The following UBE3C variants were observed in gnomAD, a reference collection of about 807,000 sequenced individuals.
The protein encoded by UBE3C is ubiquitin protein ligase E3C, also known as ubiquitin-protein ligase E3C.
In UBE3C, 42 loss-of-function variants were observed where a neutral mutation model predicts 129.4. The ratio of observed to expected loss-of-function variants is 0.32; its 90% CI spans 0.25 to 0.42. UBE3C has a LOEUF of 0.42. UBE3C is among the 10% of genes least tolerant of loss of function. The pLI, the probability that UBE3C is intolerant of heterozygous loss-of-function variation, is 1.00. For missense variants in UBE3C, 1,049 were observed against 1,319.1 expected, an observed-to-expected ratio of 0.80 and a Z score of 3.17; for synonymous variants, 510 against 492.4, an observed-to-expected ratio of 1.04 and a Z score of -0.47.
intron 9 of UBE3C, among the ~76,000 whole-genome samples, chr7:157,185,247 A>G (rs1430176106): frequency 6.6e-6 from 1 of 152,276 alleles, no homozygotes; most frequent in Admixed American, 6.5e-5. Context: ...AAAGCAGAAC[A>G]TGCGGACCCG....
chr7:157,162,258 G>A (rs1369752300), intron 1 of UBE3C, among the ~76,000 whole-genome samples: 1 of 151,820 alleles, frequency 6.6e-6, no homozygotes, highest in African/African-American at 2.4e-5. Context: ...GCAGTGGCGT[G>A]ATCTTGGCTC....
chr7:157,257,629 T>A (rs147528844), intron 22 of UBE3C, among the ~76,000 whole-genome samples: 1,725 of 149,812 alleles, frequency 0.012, 33 homozygotes, highest in African/African-American at 0.04. Context: ...CCCAGTTACT[T>A]GGGAGGCTGA....
At chr7:157,248,175 G>A (rs950243487) in intron 18 of UBE3C, among the ~76,000 whole-genome samples, 193 bp from the exon 19 acceptor site, 15 of 152,140 alleles carry the variant, frequency 9.9e-5, no homozygotes, top group African/African-American at 1.9e-4. Context: ...TGCTTAGTGC[G>A]TGCATTGAAT....
intron 13 of UBE3C, among the ~76,000 whole-genome samples, chr7:157,210,935 C>A (rs1168325766): frequency 6.6e-6 from 1 of 152,162 alleles, no homozygotes; most frequent in Non-Finnish European, 1.5e-5. Context: ...ACTTTCTAAG[C>A]CCTGTCTTGA....
At position 157,226,887 on chromosome 7, in the gene UBE3C, T is replaced by C. The variant is rs112745032; in HGVS notation, c.2233+1348T>C. Among the ~76,000 whole-genome samples, 288 of 152,302 alleles carry C rather than the reference T, an allele frequency of 1.9e-3. 3 individuals are homozygous for C. The highest frequency in any genetic ancestry group is 6.3e-3 in the African/African-American group (263 of 41,574). On this transcript the variant is annotated intron_variant, in intron 17 of 22. Coordinates refer to ENST00000348165, the MANE Select transcript of UBE3C (RefSeq NM_014671.3). ...CTAGCAGATTGTGTTTTCAGAGTAT[T>C]TGGTGTGAATGAGATGAGACTAGGT... is the stretch of plus-strand genomic sequence containing the variant.
rs186042589 is a variant in UBE3C, at chr7:157,217,694, G to A, written c.1914+723G>A. Among the ~76,000 whole-genome samples the A allele has an allele frequency of 7.5e-3, 1,147 of 152,110 alleles. 6 individuals are homozygous for A. The highest frequency in any genetic ancestry group is 0.012 in the Non-Finnish European group (809 of 67,988). On this transcript the variant is annotated intron_variant, in intron 14 of 22. Transcript: ENST00000348165. ...TCTATTGAAAATACAAAAATCAGCCGGGCGTGGTGGCAGACGCCTGTAATC... is the reference window on the plus strand; with the variant it reads ...TCTATTGAAAATACAAAAATCAGCCAGGCGTGGTGGCAGACGCCTGTAATC...
intron 17 of UBE3C, among the ~76,000 whole-genome samples, chr7:157,226,719 CTTT>C (rs142300323): frequency 2.1e-5 from 3 of 142,528 alleles, no homozygotes; most frequent in African/African-American, 2.6e-5. Flanking sequence ...CTATTTCAAG[CTTT>C]TTTTTTTTTT....
At chr7:157,171,920 T>G (rs1160530216) in intron 4 of UBE3C, among the ~76,000 whole-genome samples, 1 of 151,202 alleles carries the variant, frequency 6.6e-6, no homozygotes. Context: ...TTGGGCAGGC[T>G]GGTCTCGAAC....
intron 14 of UBE3C, 122 bp from the exon 15 acceptor site, chr7:157,220,567 G>A (rs960998192): frequency 2.8e-5 from 29 of 1,019,846 alleles, no homozygotes; most frequent in Non-Finnish European, 3.7e-5. Context: ...GAAGGTATGA[G>A]GTCAGAGAGA....
intron 22 of UBE3C, among the ~76,000 whole-genome samples, chr7:157,260,344 G>A (rs1468580439): frequency 6.6e-6 from 1 of 152,208 alleles, no homozygotes; most frequent in Admixed American, 6.5e-5. Flanking sequence ...ACACCTAAAC[G>A]GAGTGACCCA....
chr7:157,178,988 C>CA, intron 6 of UBE3C, 141 bp downstream of exon 6: 1 of 1,018,150 alleles, frequency 9.8e-7, no homozygotes, highest in Non-Finnish European at 1.4e-6. Context: ...GCTCCATCCA[C>CA]AGGTGCCCAC....
At chr7:157,208,492 T>C (rs1422945044) in intron 13 of UBE3C, among the ~76,000 whole-genome samples, 1 of 152,246 alleles carries the variant, frequency 6.6e-6, no homozygotes, top group Admixed American at 6.5e-5. Context: ...AACCATGTTT[T>C]TAAACCTTGT....
At chr7:157,244,144 C>T (rs1482107211) in intron 18 of UBE3C, among the ~76,000 whole-genome samples, 1 of 152,088 alleles carries the variant, frequency 6.6e-6, no homozygotes, top group Non-Finnish European at 1.5e-5. Context: ...GCAGGAGAAT[C>T]GCTTGAACCC....
intron 17 of UBE3C, among the ~76,000 whole-genome samples, chr7:157,229,463 C>T (rs1024068042): frequency 6.6e-5 from 10 of 151,868 alleles, no homozygotes; most frequent in African/African-American, 1.9e-4. Flanking sequence ...TACAGGCATG[C>T]ACCACCACGC....
chr7:157,179,262 A>C (rs1808607046), intron 6 of UBE3C, among the ~76,000 whole-genome samples: 1 of 152,032 alleles, frequency 6.6e-6, no homozygotes, highest in South Asian at 2.1e-4. Flanking sequence ...ACATCACTCC[A>C]AGAGCCTTAT....
intron 17 of UBE3C, 150 bp downstream of exon 17, chr7:157,225,689 C>T (rs984296916): frequency 5.4e-6 from 5 of 928,966 alleles, no homozygotes; most frequent in Non-Finnish European, 7.5e-6. Context: ...CAGCTCACAC[C>T]TATAATCCCA....
At chr7:157,180,474 T>TA (rs1277007989) in intron 6 of UBE3C, among the ~76,000 whole-genome samples, 5 of 152,250 alleles carry the variant, frequency 3.3e-5, no homozygotes, top group Non-Finnish European at 7.3e-5. Context: ...GGTCTAATGA[T>TA]AAAGTACTGA....
chr7:157,184,598 G>C (rs1376052603), intron 9 of UBE3C, among the ~76,000 whole-genome samples: 2 of 152,164 alleles, frequency 1.3e-5, no homozygotes, highest in African/African-American at 4.8e-5. Context: ...CAATTGAAAT[G>C]GCTTGAGGTA....
chr7:157,211,846 C>T (rs555237978), intron 13 of UBE3C, among the ~76,000 whole-genome samples: 1 of 152,262 alleles, frequency 6.6e-6, no homozygotes, highest in East Asian at 1.9e-4. Context: ...AGTATCACCA[C>T]GTAGTGAAGG....
Sources: allele counts gnomAD v4.1 joint callset (sites outside exome capture counted in the v4.1 genomes callset), GRCh38; gene constraint gnomAD v4.1.1; transcripts MANE v1.5; gene names NCBI Gene and HGNC (gene_info 2026-07-23, HGNC 2026-07-21).